Variants in ANO6 observed in about 807,000 individuals in gnomAD.
The protein encoded by ANO6 is anoctamin 6.
A neutral mutation model predicts 117.5 loss-of-function variants in ANO6; 106 were observed. The ratio of observed to expected loss-of-function variants is 0.90; its 90% CI spans 0.77 to 1.06. The LOEUF is 1.06. ANO6 is among the 50% of genes least tolerant of loss of function. The pLI is 0.00. For missense variants in ANO6, 955 were observed against 1,121.1 expected (o/e 0.85, Z 2.12); for synonymous variants, 367 against 385.1 (o/e 0.95, Z 0.55).
intron 1 of ANO6, among the ~76,000 whole-genome samples, chr12:45,250,986 T>C (rs1592872383): frequency 1.3e-5 from 2 of 151,188 alleles, no homozygotes; most frequent in Middle Eastern, 6.8e-3. Context: ...GGTGGGAGGA[T>C]CTCTTGAGCC....
intron 2 of ANO6, among the ~76,000 whole-genome samples, chr12:45,330,973 T>C (rs1940643267): frequency 1.3e-5 from 2 of 151,924 alleles, no homozygotes; most frequent in Non-Finnish European, 2.9e-5. Context: ...TTTTTTTTAC[T>C]ATGTTCGTTT....
intron 10 of ANO6, among the ~76,000 whole-genome samples, chr12:45,379,673 A>G (rs905555463): frequency 8.5e-5 from 13 of 152,216 alleles, no homozygotes; most frequent in African/African-American, 2.9e-4. Flanking sequence ...GATAGCCCCA[A>G]TTAAAGAAGA....
At position 45,267,699 on chromosome 12, in the gene ANO6, G is replaced by C. The variant is rs1460980216; in HGVS notation, c.71-34315G>C. Among the ~76,000 whole-genome samples, 8 of 152,158 alleles carry C rather than the reference G, an allele frequency of 5.3e-5. No individual in the cohort carries two copies. The East Asian group carries it at 1.5e-3, about 29-fold the overall frequency. On this transcript the variant is annotated intron_variant, in intron 1 of 19. Transcript: ENST00000320560. The stretch of plus-strand genomic sequence containing the variant: ...CCAGCTACTCGGGAGGCTGAGGCAG[G>C]AGAATCGCTTGAACCAGGGAGGTGG...
chr12:45,431,654 T>C lies in ANO6; in HGVS notation c.*2343T>C, dbSNP rs1204359406. The C allele has an allele frequency of 1.0e-6, 1 of 985,216 alleles. No individual in the cohort carries two copies. The allele number at this position is 985,216 out of a possible 1,614,324, so 61.0% of individuals were successfully genotyped here. On this transcript the variant is annotated 3_prime_UTR_variant, in exon 20 of 20. Transcript: ENST00000320560. ...TCATTTCCCCATGCCATCCACAGTG[T>C]TTGTTAGTGAGTCCACGGCTGACTT...
rs569332835 is a variant in ANO6, at chr12:45,366,409, A to G, written c.999-1279A>G. ...CATTCTCATTTTCTACCTGGAATTG[A>G]TGTATATAGAATATGATTACAGGTT... On this transcript the variant is annotated intron_variant, in intron 8 of 19. Transcript: ENST00000320560. 2.6e-5 allele frequency among the ~76,000 whole-genome samples: 4 copies of G among 152,058 alleles called. No individual in the cohort carries two copies. In the East Asian group the frequency reaches 7.7e-4, roughly 29 times the overall value.
chr12:45,248,960 A>C (rs1947864152), intron 1 of ANO6, among the ~76,000 whole-genome samples: 1 of 152,186 alleles, frequency 6.6e-6, no homozygotes, highest in Non-Finnish European at 1.5e-5. Context: ...TCTGCTGTGG[A>C]AATGGAAGCT....
At chr12:45,310,848 G>A (rs552486947) in intron 2 of ANO6, among the ~76,000 whole-genome samples, 18 of 152,074 alleles carry the variant, frequency 1.2e-4, no homozygotes, top group African/African-American at 3.9e-4. Context: ...TAGAAGTTGG[G>A]CATAGGCTAA....
intron 3 of ANO6, among the ~76,000 whole-genome samples, chr12:45,341,695 G>A (rs1940982816): frequency 6.6e-6 from 1 of 152,320 alleles, no homozygotes; most frequent in Non-Finnish European, 1.5e-5. Context: ...CTCTCATAGT[G>A]TTCCTGTAAA....
rs1029256178 is a variant in ANO6, at chr12:45,362,010, T to C, written c.998+4586T>C. On this transcript the variant is annotated intron_variant, in intron 8 of 19. Transcript: ENST00000320560. ...CATAATACCAGTCGCATAGAATGAG[T>C]TGAGAAGTGTTCCCTCTTCTTTGTT... Among the ~76,000 whole-genome samples, 3 of 152,216 alleles carry C rather than the reference T, an allele frequency of 2.0e-5. No individual in the cohort carries two copies. In the East Asian group the frequency reaches 5.8e-4, roughly 29 times the overall value.
At chr12:45,314,023 C>T (rs1265328911) in intron 2 of ANO6, among the ~76,000 whole-genome samples, 1 of 152,050 alleles carries the variant, frequency 6.6e-6, no homozygotes, top group Non-Finnish European at 1.5e-5. Context: ...ATCTTATTGT[C>T]TGACAGTGTT....
In ANO6 at chr12:45,401,802, T is replaced by G; in HGVS notation, c.1394T>G (p.Leu465Trp). ...TGTTTGTTGTGCTTTCAGATCCTATTGATCATCGCTTCAGTTATTGGGATC... is the reference window on the plus strand; with the variant it reads ...TGTTTGTTGTGCTTTCAGATCCTATGGATCATCGCTTCAGTTATTGGGATC... The part of the protein sequence containing the change: ...CASAVFFWIL[L>W]IIASVIGIIV... The change falls in exon 13 of 20, where the codon TTG becomes TGG. Residue 465 changes from leucine (L) to tryptophan (W), a missense_variant. By Grantham distance (61) the Leu-to-Trp change is moderately conservative. Transcript: ENST00000320560. The G allele has an allele frequency of 6.2e-7, 1 of 1,613,540 alleles. No homozygotes were observed. Among genetic ancestry groups the G allele is most frequent in the Non-Finnish European group, 8.5e-7 (1 of 1,179,764 alleles).
chr12:45,220,593 C>T (rs1263721381), intron 1 of ANO6, among the ~76,000 whole-genome samples: 1 of 152,196 alleles, frequency 6.6e-6, no homozygotes, highest in Non-Finnish European at 1.5e-5. Flanking sequence ...ATACCTGTGT[C>T]TTCCAGGAGA....
rs1195174430 is a variant in ANO6, at chr12:45,412,987, G to A, written c.2011+3500G>A. Among the ~76,000 whole-genome samples the A allele has an allele frequency of 2.0e-5, 3 of 152,328 alleles. No individual in the cohort carries two copies. In the East Asian group the frequency reaches 5.8e-4, roughly 29 times the overall value. ...AAGTACAATAGCTTGATCAAAGAAT[G>A]GCAAGTGAACAAAGGACTCACAGGT... On this transcript the variant is annotated intron_variant, in intron 16 of 19. Coordinates refer to ENST00000320560, the MANE Select transcript of ANO6 (RefSeq NM_001025356.3).
At chr12:45,277,765 T>A (rs1938600114) in intron 1 of ANO6, among the ~76,000 whole-genome samples, 1 of 152,134 alleles carries the variant, frequency 6.6e-6, no homozygotes, top group East Asian at 1.9e-4. Context: ...CAGGAGTTGC[T>A]CTTGAAAAGT....
intron 19 of ANO6, among the ~76,000 whole-genome samples, chr12:45,426,855 T>C (rs1017968946): frequency 1.8e-4 from 28 of 151,968 alleles, no homozygotes; most frequent in African/African-American, 6.8e-4. Context: ...ACCATCTGTA[T>C]GCTAAAAGGA....
intron 7 of ANO6, among the ~76,000 whole-genome samples, chr12:45,355,537 T>C (rs1358581391): frequency 6.6e-6 from 1 of 152,156 alleles, no homozygotes; most frequent in Non-Finnish European, 1.5e-5. Flanking sequence ...TGAAAACTTA[T>C]TACAGAAAGC....
At chr12:45,401,652 CA>C in intron 12 of ANO6, 142 bp from the exon 13 acceptor site, 1 of 728,624 alleles carries the variant, frequency 1.4e-6, no homozygotes, top group Non-Finnish European at 2.4e-6. Context: ...TTTAACATGC[CA>C]GACTTTCTAC....
At chr12:45,223,187 G>T (rs1303285610) in intron 1 of ANO6, among the ~76,000 whole-genome samples, 1 of 152,176 alleles carries the variant, frequency 6.6e-6, no homozygotes, top group Middle Eastern at 3.2e-3. Flanking sequence ...GGAGGGTGTC[G>T]TGGGAACCCC....
chr12:45,390,363 AAAT>A, intron 11 of ANO6, 55 bp from the exon 12 acceptor site: 1 of 1,359,722 alleles, frequency 7.4e-7, no homozygotes, highest in Non-Finnish European at 1.1e-6. Flanking sequence ...GTCAGGAGAA[AAAT>A]AATTTTATTA....
Sources: allele counts gnomAD v4.1 joint callset (sites outside exome capture counted in the v4.1 genomes callset), GRCh38; gene constraint gnomAD v4.1.1; transcripts MANE v1.5; gene names NCBI Gene and HGNC (gene_info 2026-07-23, HGNC 2026-07-21).